FLNB: variants seen among roughly 807,000 people sequenced by gnomAD.
FLNB encodes the protein filamin-B.
A neutral mutation model predicts 250.6 loss-of-function variants in FLNB; 111 were observed. The ratio of observed to expected loss-of-function variants is 0.44; its 90% CI spans 0.38 to 0.52. The LOEUF is 0.52. FLNB is among the 20% of genes least tolerant of loss of function. The pLI is 0.00. For missense variants in FLNB, 2,869 were observed against 3,447.8 expected, an observed-to-expected ratio of 0.83 and a Z score of 4.20; for synonymous variants, 1,302 against 1,372.1, an observed-to-expected ratio of 0.95 and a Z score of 1.13.
Position 58,124,414 on chromosome 3 carries a change from C to A in FLNB, c.3807C>A (p.His1269Gln). The change falls in exon 22 of 46, where the codon CAC becomes CAA. Residue 1269 changes from histidine (H) to glutamine (Q), a missense_variant. This residue lies in a region of FLNB where 1,348 missense variants were observed against 1,466.7 expected (regional missense o/e 0.92). Transcript: ENST00000295956. ...TTGGGGGTGACCACATCAAGGCCCA[C>A]ATTGCCAACCCCTCAGGGGCCTCCA... is the stretch of plus-strand genomic sequence containing the variant. Reference protein sequence around the residue: ...TQVGGDHIKAHIANPSGASTE... With the variant: ...TQVGGDHIKAQIANPSGASTE... The A allele has an allele frequency of 6.2e-7, 1 of 1,614,256 alleles. No individual in the cohort carries two copies. The highest frequency in any genetic ancestry group is 1.3e-5 in the African/African-American group (1 of 75,070).
At position 58,170,459 on chromosome 3, in the gene FLNB, C is replaced by A; in HGVS notation, c.7622-116C>A. On this transcript the variant is annotated intron_variant, in intron 45 of 45. Coordinates refer to ENST00000295956, the MANE Select transcript of FLNB (RefSeq NM_001457.4). The stretch of plus-strand genomic sequence containing the variant: ...GCTTGTAATTGCCACGCTCTCCCAC[C>A]TCTTAGGGGCCCCAGCATTATCGTG... 5.0e-6 allele frequency: 5 copies of A among 1,004,624 alleles called. No individual in the cohort carries two copies. The South Asian group carries it at 6.9e-5, about 14-fold the overall frequency. 62.2% of individuals were successfully genotyped at this position (1,004,624 alleles called of 1,614,324 possible). A position where few individuals can be genotyped will look rare whatever the true frequency, so the allele number is the denominator to read the frequency against.
Position 58,169,830 on chromosome 3 carries a change from A to AGGGGGGGGGG in FLNB, c.7621+41_7621+42insGGGGGGGGGG. The AGGGGGGGGGG allele has an allele frequency of 1.5e-6, 1 of 672,046 alleles. No homozygotes were observed. The highest frequency in any genetic ancestry group is 2.7e-6 in the Non-Finnish European group (1 of 370,014). The allele number at this position is 672,046 out of a possible 1,614,324, so 41.6% of individuals were successfully genotyped here. ...GGCCTTTTCAAGGGTGGGGTGGGGCAGGGGCAGGCTGGGCACCCTGGGTAC... is the reference window on the plus strand; with the variant it reads ...GGCCTTTTCAAGGGTGGGGTGGGGCAGGGGGGGGGGGGGGCAGGCTGGGCACCCTGGGTAC... On this transcript the variant is annotated intron_variant, in intron 45 of 45. Transcript: ENST00000295956. This position sits in a 1 kb window ranked among gnomAD's most constrained non-coding sequence, Gnocchi z 4.8.
intron 8 of FLNB, among the ~76,000 whole-genome samples, chr3:58,101,883 C>T (rs1375459220): frequency 6.6e-6 from 1 of 152,220 alleles, no homozygotes; most frequent in African/African-American, 2.4e-5. Flanking sequence ...ATGTCCAGCA[C>T]TCGGCCTTAA....
chr3:58,069,333 A>G, intron 1 of FLNB, among the ~76,000 whole-genome samples: 1 of 144,330 alleles, frequency 6.9e-6, no homozygotes, highest in African/African-American at 2.6e-5. Flanking sequence ...TCCGTCTCCC[A>G]GGTTCAAGTG....
chr3:58,092,398 C>A (rs2097229476), intron 4 of FLNB, among the ~76,000 whole-genome samples: 1 of 152,128 alleles, frequency 6.6e-6, no homozygotes, highest in Non-Finnish European at 1.5e-5. Context: ...AATCCCAGCA[C>A]TTTGGGAGGC....
At chr3:58,048,449 C>T (rs1185130606) in intron 1 of FLNB, among the ~76,000 whole-genome samples, 1 of 152,180 alleles carries the variant, frequency 6.6e-6, no homozygotes, top group Non-Finnish European at 1.5e-5. Context: ...CTAGGTCTGT[C>T]TGTTTCCTTG....
At chr3:58,156,198 G>A in intron 41 of FLNB, 123 bp downstream of exon 41, 2 of 720,752 alleles carry the variant, frequency 2.8e-6, no homozygotes, top group Non-Finnish European at 4.9e-6. Flanking sequence ...GACCACAGAT[G>A]TCACCCAGTC....
intron 39 of FLNB, 22 bp from the exon 40 acceptor site, chr3:58,154,769 C>T: frequency 6.2e-7 from 1 of 1,613,328 alleles, no homozygotes; most frequent in Non-Finnish European, 8.5e-7. Context: ...CAGTCACTAA[C>T]CAGGTTTCTC....
chr3:58,021,815 C>T (rs574568816), intron 1 of FLNB, among the ~76,000 whole-genome samples: 1 of 152,204 alleles, frequency 6.6e-6, no homozygotes, highest in South Asian at 2.1e-4. Context: ...TGCTCTGTCA[C>T]CCAGGCTAGA....
rs933928056 is a variant in FLNB, at chr3:58,168,493, T to C, written c.7252T>C (p.Ser2418Pro). ...NTTRAGPGTL[S>P]VTIEGPSKVK... The stretch of plus-strand genomic sequence containing the variant: ...CACCCGAGCAGGTCCAGGGACATTA[T>C]CCGTCACCATCGAAGGCCCATCCAA... The change falls in exon 44 of 46, where the codon TCC (serine) becomes CCC (proline). Residue 2418 changes from serine (S) to proline (P), a missense_variant. Around this residue, in one of 5 missense-constraint regions of FLNB, gnomAD observed 1,084 missense variants for 1,315.5 expected, o/e 0.82. Transcript: ENST00000295956. 2 of 1,614,098 alleles carry C rather than the reference T, an allele frequency of 1.2e-6. No individual in the cohort carries two copies. Among genetic ancestry groups the C allele is most frequent in the African/African-American group, 1.3e-5 (1 of 74,924 alleles).
intron 4 of FLNB, 90 bp downstream of exon 4, chr3:58,081,866 C>T (rs953178553): frequency 7.1e-7 from 1 of 1,405,628 alleles, no homozygotes; most frequent in African/African-American, 1.4e-5. Context: ...TTCTTAGAAT[C>T]AAAAATAGAT....
chr3:58,106,844 C>T lies in FLNB; in HGVS notation c.1912C>T (p.Pro638Ser), dbSNP rs1576728774. ...CAGCCCGTACATGGCCTTCATCCAC[C>T]CAGCCACGGGAGGCTACAACCCTGA... ...KDSPYMAFIHPATGGYNPDLV... is the reference protein window; with the variant it reads ...KDSPYMAFIHSATGGYNPDLV... Residue 638 changes from proline to serine, a missense_variant, in exon 12 of 46, where the codon CCA (proline) becomes TCA (serine). By Grantham distance (74) the Pro-to-Ser change is moderately conservative. Coordinates refer to ENST00000295956, the MANE Select transcript of FLNB (RefSeq NM_001457.4). 1 of 1,613,978 alleles carries T rather than the reference C, an allele frequency of 6.2e-7. No homozygotes were observed. Among genetic ancestry groups the T allele is most frequent in the Non-Finnish European group, 8.5e-7 (1 of 1,180,010 alleles).
At chr3:58,058,379 G>T (rs1441712462) in intron 1 of FLNB, among the ~76,000 whole-genome samples, 3 of 152,094 alleles carry the variant, frequency 2.0e-5, no homozygotes, top group Admixed American at 6.5e-5. Context: ...TAAGCAGTGG[G>T]CCAAATTATG....
intron 43 of FLNB, among the ~76,000 whole-genome samples, chr3:58,167,554 A>G (rs988393325): frequency 6.6e-6 from 1 of 152,240 alleles, no homozygotes; most frequent in African/African-American, 2.4e-5. Context: ...GCACTGTAGC[A>G]GGCATGCGCC....
At chr3:58,084,140 C>T (rs886630985) in intron 4 of FLNB, among the ~76,000 whole-genome samples, 8 of 149,676 alleles carry the variant, frequency 5.3e-5, no homozygotes, top group Admixed American at 6.7e-5. Context: ...TGCAGTGAGC[C>T]GAGATCGCGC....
At position 58,103,983 on chromosome 3, in the gene FLNB, A is replaced by C; in HGVS notation, c.1508A>C (p.Gln503Pro). Residue 503 changes from glutamine (Q) to proline (P), a missense_variant, in exon 10 of 46, where the codon CAG becomes CCG. Gln to Pro is a moderately conservative substitution (Grantham distance 76, BLOSUM62 -1). Transcript: ENST00000295956. Reference protein sequence around the residue: ...GPKGLEELVKQKDFLDGVYAF... With the variant: ...GPKGLEELVKPKDFLDGVYAF... ...GAGGGTCTGGAGGAGCTGGTGAAGC[A>C]GAAAGACTTTCTGGATGGGGTCTAC... 6.2e-7 allele frequency: 1 copy of C among 1,614,168 alleles called. No individual in the cohort carries two copies. Among genetic ancestry groups the C allele is most frequent in the Non-Finnish European group, 8.5e-7 (1 of 1,180,038 alleles).
Position 58,171,173 on chromosome 3 carries a change from G to T in FLNB, c.*411G>T. On this transcript the variant is annotated 3_prime_UTR_variant, in exon 46 of 46. Transcript: ENST00000295956. This position sits in a 1 kb window ranked among gnomAD's most constrained non-coding sequence, Gnocchi z 5.5. ...TGGGCAGAGAAAAAGGGGACACCTA[G>T]TTTGGTTGTCATTTGGCAAAGGAGA... is the stretch of plus-strand genomic sequence containing the variant. The T allele has an allele frequency of 4.4e-6, 1 of 227,600 alleles. No homozygotes were observed. The highest frequency in any genetic ancestry group is 8.7e-6 in the Non-Finnish European group (1 of 114,746). The allele number at this position is 227,600 out of a possible 1,614,324, so 14.1% of individuals were successfully genotyped here.
intron 1 of FLNB, among the ~76,000 whole-genome samples, chr3:58,020,796 A>AG (rs1461053282): frequency 6.6e-6 from 1 of 151,688 alleles, no homozygotes; most frequent in Non-Finnish European, 1.5e-5. Flanking sequence ...TTCGAACTAT[A>AG]GGGAAACGGG....
intron 1 of FLNB, among the ~76,000 whole-genome samples, chr3:58,063,312 G>GTGGCA (rs1382341263): frequency 2.0e-5 from 3 of 152,218 alleles, no homozygotes; most frequent in Non-Finnish European, 4.4e-5. Flanking sequence ...TTGGATGTTG[G>GTGGCA]TGGCATGGAA....
Sources: gnomAD v4.1 joint callset for allele counts (sites outside exome capture counted in the v4.1 genomes callset) on GRCh38, gnomAD v4.1.1 for gene constraint, gnomAD v4.1.1 regional missense constraint, Gnocchi (gnomAD v3.1) non-coding constraint, MANE v1.5 for transcripts, NCBI Gene and HGNC (gene_info 2026-07-23, HGNC 2026-07-21) for gene names.